FAF2: variants seen among roughly 807,000 people sequenced by gnomAD.
FAF2 encodes the protein Fas associated factor family member 2, also known as FAS-associated factor 2.
A neutral mutation model predicts 62.3 loss-of-function variants in FAF2; 9 were observed. The ratio of observed to expected loss-of-function variants is 0.14; its 90% CI spans 0.09 to 0.25. The LOEUF (loss-of-function observed/expected upper bound fraction) is 0.25, where lower values mean the gene tolerates loss of function less well. Among genes scored for constraint, FAF2 ranks in the 10% least tolerant of loss-of-function variants. The pLI is 1.00. For synonymous variants in FAF2, 202 were observed against 198.0 expected (o/e 1.02, Z -0.17); for missense variants, 368 against 556.2 (o/e 0.66, Z 3.40).
chr5:176,470,531 C>T (rs534481426), intron 1 of FAF2, among the ~76,000 whole-genome samples: 1 of 152,366 alleles, frequency 6.6e-6, no homozygotes, highest in South Asian at 2.1e-4. Flanking sequence ...GAGCCAAGAT[C>T]GCGCCATCGC....
At chr5:176,505,992 C>A (rs1377708312) in intron 10 of FAF2, among the ~76,000 whole-genome samples, 2 of 151,960 alleles carry the variant, frequency 1.3e-5, no homozygotes, top group African/African-American at 4.8e-5. Flanking sequence ...AGATCGAGAC[C>A]ATCCTGGCTA....
chr5:176,465,723 A>G (rs1210654578), intron 1 of FAF2, among the ~76,000 whole-genome samples: 2 of 152,120 alleles, frequency 1.3e-5, no homozygotes, highest in Non-Finnish European at 2.9e-5. Context: ...AGCTGGGCAC[A>G]GTGGCTCATG....
intron 5 of FAF2, among the ~76,000 whole-genome samples, chr5:176,493,240 A>G (rs1020252210): frequency 1.3e-5 from 2 of 152,340 alleles, no homozygotes; most frequent in Non-Finnish European, 2.9e-5. Context: ...TATCATAGTC[A>G]GTCTCCTCGC....
chr5:176,456,202 G>T (rs559138435), intron 1 of FAF2, among the ~76,000 whole-genome samples: 2 of 152,176 alleles, frequency 1.3e-5, no homozygotes, highest in East Asian at 3.9e-4. Flanking sequence ...CTCCCGAGTA[G>T]CTGGGATTAC....
chr5:176,462,715 A>C (rs985869643), intron 1 of FAF2, among the ~76,000 whole-genome samples: 25 of 152,194 alleles, frequency 1.6e-4, no homozygotes, highest in Admixed American at 1.0e-3. Context: ...AAAAGTGATA[A>C]ATTTTTAACA....
In FAF2 at chr5:176,509,535, C is replaced by A. The variant is rs1755743687; in HGVS notation, c.*2585C>A. On this transcript the variant is annotated 3_prime_UTR_variant, in exon 11 of 11. Transcript: ENST00000261942. Reference sequence around the variant, plus strand: ...TGAGCTGAATAACCATGGGAAGTGACCAAGCAAAGACACTCGATTGGAGTC... The same window carrying A: ...TGAGCTGAATAACCATGGGAAGTGAACAAGCAAAGACACTCGATTGGAGTC... 1 of 152,476 alleles carries A rather than the reference C, an allele frequency of 6.6e-6. No individual in the cohort carries two copies. The highest frequency in any genetic ancestry group is 1.5e-5 in the Non-Finnish European group (1 of 68,028). 9.4% of individuals were successfully genotyped at this position (152,476 alleles called of 1,614,324 possible).
intron 8 of FAF2, among the ~76,000 whole-genome samples, chr5:176,497,362 A>C (rs1755513355): frequency 6.6e-6 from 1 of 152,250 alleles, no homozygotes; most frequent in Non-Finnish European, 1.5e-5. Context: ...AAGATCACTG[A>C]TAAACCTACC....
At chr5:176,493,641 CAT>C (rs974126432) in intron 5 of FAF2, among the ~76,000 whole-genome samples, 3 of 152,212 alleles carry the variant, frequency 2.0e-5, no homozygotes, top group African/African-American at 7.2e-5. Flanking sequence ...ACCTCCCTTT[CAT>C]ATGGTCAGAT....
In FAF2 at chr5:176,509,480, T is replaced by A. The variant is rs1275710160; in HGVS notation, c.*2530T>A. 6.6e-6 allele frequency: 1 copy of A among 152,376 alleles called. No homozygotes were observed. The allele number at this position is 152,376 out of a possible 1,614,324, so 9.4% of individuals were successfully genotyped here. A position where few individuals can be genotyped will look rare whatever the true frequency, so the allele number is the denominator to read the frequency against. On this transcript the variant is annotated 3_prime_UTR_variant, in exon 11 of 11. Transcript: ENST00000261942. Reference sequence around the variant, plus strand: ...CTAAAAGCACTTGTTTCAAGTTTTGTTCTGCACTCCCACGACTGAAGTTGT... The same window carrying A: ...CTAAAAGCACTTGTTTCAAGTTTTGATCTGCACTCCCACGACTGAAGTTGT...
chr5:176,450,181 A>C (rs1464532365), intron 1 of FAF2, among the ~76,000 whole-genome samples: 1 of 152,218 alleles, frequency 6.6e-6, no homozygotes, highest in Non-Finnish European at 1.5e-5. Context: ...TTCCCCTCTT[A>C]AATTGAGCAG....
chr5:176,472,782 G>A (rs1758597797), intron 1 of FAF2, among the ~76,000 whole-genome samples: 1 of 151,594 alleles, frequency 6.6e-6, no homozygotes, highest in African/African-American at 2.4e-5. Flanking sequence ...GGGCTCATAT[G>A]GTTCTTATAC....
chr5:176,459,343 C>G (rs529104038), intron 1 of FAF2, among the ~76,000 whole-genome samples: 199 of 150,930 alleles, frequency 1.3e-3, no homozygotes, highest in Admixed American at 3.3e-3. Flanking sequence ...ACTGCAGCTC[C>G]AACCTCCTGG....
chr5:176,448,526 T>G, intron 1 of FAF2, 56 bp downstream of exon 1: 1 of 1,518,084 alleles, frequency 6.6e-7, no homozygotes, highest in Non-Finnish European at 8.9e-7. Flanking sequence ...AGTAGGCCCC[T>G]AGAGGAGTTC....
chr5:176,457,479 C>G (rs1758296417), intron 1 of FAF2, among the ~76,000 whole-genome samples: 1 of 152,206 alleles, frequency 6.6e-6, no homozygotes, highest in Non-Finnish European at 1.5e-5. Flanking sequence ...GCGTGAGCCA[C>G]TGTGCCCGGC....
Position 176,486,471 on chromosome 5 carries a change from C to G in FAF2, c.249C>G (p.Val83=). 1 of 1,614,066 alleles carries G rather than the reference C, an allele frequency of 6.2e-7. No homozygotes were observed. The highest frequency in any genetic ancestry group is 8.5e-7 in the Non-Finnish European group (1 of 1,180,020). The change falls in exon 3 of 11, where the codon GTC becomes GTG. Residue 83 remains valine, a synonymous_variant. Coordinates refer to ENST00000261942, the MANE Select transcript of FAF2 (RefSeq NM_014613.3). ...TADHRIYSYV[V]SRPQPRGLLG... is the part of the protein sequence containing the mutation. The stretch of plus-strand genomic sequence containing the variant: ...ACCACAGGATCTACAGCTATGTTGT[C>G]TCAAGACCTCAACCAAGGGCAAGTT...
In FAF2 at chr5:176,509,342, G is replaced by A. The variant is rs555808356; in HGVS notation, c.*2392G>A. On this transcript the variant is annotated 3_prime_UTR_variant, in exon 11 of 11. Transcript: ENST00000261942. ...TCCTAAGGACTTTTGGGATTTTGAT[G>A]AGACCTGCGAGGGAGAAGACACTGA... 11 of 152,278 alleles carry A rather than the reference G, an allele frequency of 7.2e-5. No homozygotes were observed. The East Asian group carries it at 2.1e-3, about 29-fold the overall frequency. 9.4% of individuals were successfully genotyped at this position (152,278 alleles called of 1,614,324 possible). A position where few individuals can be genotyped will look rare whatever the true frequency, so the allele number is the denominator to read the frequency against.
chr5:176,465,025 T>C (rs1290356721), intron 1 of FAF2, among the ~76,000 whole-genome samples: 2 of 152,126 alleles, frequency 1.3e-5, no homozygotes, highest in African/African-American at 4.8e-5. Flanking sequence ...ATACCTGGGA[T>C]TATAGGCATG....
intron 1 of FAF2, among the ~76,000 whole-genome samples, chr5:176,449,991 G>A (rs1323120247): frequency 1.3e-5 from 2 of 152,204 alleles, no homozygotes; most frequent in East Asian, 3.8e-4. Context: ...TTAAAGCTAT[G>A]TCCATCTTCC....
intron 1 of FAF2, chr5:176,453,013 A>G (rs1044766722): frequency 1.3e-5 from 2 of 152,170 alleles, no homozygotes; most frequent in Non-Finnish European, 2.9e-5. Context: ...CTGTATTTCA[A>G]TTTTTTTATG....
Sources: gnomAD v4.1 joint callset for allele counts (sites outside exome capture counted in the v4.1 genomes callset) on GRCh38, gnomAD v4.1.1 for gene constraint, MANE v1.5 for transcripts, NCBI Gene and HGNC (gene_info 2026-07-23, HGNC 2026-07-21) for gene names.